SHANK2: variants seen among roughly 807,000 people sequenced by gnomAD.
SHANK2 encodes SH3 and multiple ankyrin repeat domains 2.
SHANK2 carries 43 observed loss-of-function variants against 133.7 expected under a neutral mutation model. That is an observed-to-expected ratio of 0.32 (90% CI 0.25 to 0.41). The LOEUF is 0.41. Ranked by LOEUF, SHANK2 falls within the 10% of genes least tolerant of loss-of-function variation. The probability of loss-of-function intolerance (pLI) is 1.00; values close to 1 mark genes in which losing one functional copy is unlikely to be tolerated. For missense variants in SHANK2, 1,994 were observed against 2,235.8 expected (o/e 0.89, Z 2.18); for synonymous variants, 1,017 against 952.8 (o/e 1.07, Z -1.24).
At chr11:70,573,718 G>A (rs1218997951) in intron 17 of SHANK2, among the ~76,000 whole-genome samples, 3 of 152,270 alleles carry the variant, frequency 2.0e-5, no homozygotes, top group Non-Finnish European at 4.4e-5. Context: ...CCCTGAGGGT[G>A]AGGAGGGGAA....
At chr11:70,814,638 C>A (rs1052685468) in intron 12 of SHANK2, among the ~76,000 whole-genome samples, 5 of 152,250 alleles carry the variant, frequency 3.3e-5, no homozygotes, top group Non-Finnish European at 7.3e-5. Context: ...CTTCCCAGAG[C>A]CCCACTGGGT....
At chr11:70,894,995 G>A (rs1357647170) in intron 11 of SHANK2, among the ~76,000 whole-genome samples, 4 of 152,256 alleles carry the variant, frequency 2.6e-5, no homozygotes, top group Non-Finnish European at 5.9e-5. Context: ...TCATTTTGCA[G>A]ACATTAACTC....
intron 5 of SHANK2, among the ~76,000 whole-genome samples, chr11:71,110,371 G>T (rs1179118799): frequency 3.3e-5 from 5 of 152,178 alleles, no homozygotes; most frequent in African/African-American, 4.8e-5. Flanking sequence ...CTGGGAGGCG[G>T]AGCTTGCAGT....
rs2059088906 is a variant in SHANK2 at position 70,503,376 on chromosome 11, G to A, written c.2062-445C>T. ...TTGCATCCTCACAGGAGGAGGAAAC[G>A]TGGCGCTTAATTGCTTCTCATGTAT... is the stretch of plus-strand genomic sequence containing the variant. On this transcript the variant is annotated intron_variant, in intron 17 of 25. Transcript: ENST00000601538. Among the ~76,000 whole-genome samples, 2 of 152,170 alleles carry A rather than the reference G, an allele frequency of 1.3e-5. 1 individual carries two copies. Among genetic ancestry groups the A allele is most frequent in the Non-Finnish European group, 2.9e-5 (2 of 68,044 alleles).
At chr11:70,806,148 G>A (rs564574890) in intron 13 of SHANK2, among the ~76,000 whole-genome samples, 2 of 152,334 alleles carry the variant, frequency 1.3e-5, no homozygotes, top group Admixed American at 6.5e-5. Context: ...TCTAAGGGCC[G>A]CACCTTCCAC....
At chr11:71,105,747 C>T (rs1193876796) in intron 6 of SHANK2, among the ~76,000 whole-genome samples, 2 of 152,052 alleles carry the variant, frequency 1.3e-5, no homozygotes, top group Admixed American at 1.3e-4. Context: ...CGTACAACAC[C>T]AAGAGTGAAC....
At chr11:70,658,400 T>C (rs543643449) in intron 17 of SHANK2, among the ~76,000 whole-genome samples, 13 of 152,016 alleles carry the variant, frequency 8.6e-5, no homozygotes, top group Non-Finnish European at 1.9e-4. Flanking sequence ...AGGTTACAAA[T>C]CGAGTTAGCC....
chr11:70,672,228 T>C (rs943744170), intron 15 of SHANK2, among the ~76,000 whole-genome samples: 1 of 152,046 alleles, frequency 6.6e-6, no homozygotes, highest in Admixed American at 6.6e-5. Context: ...CATGCCTGGC[T>C]AATTTTTATA....
At chr11:70,829,627 G>A (rs1230146191) in intron 11 of SHANK2, among the ~76,000 whole-genome samples, 2 of 6,240 alleles carry the variant, frequency 3.2e-4, no homozygotes, top group Non-Finnish European at 0.028. Flanking sequence ...GGCGGGGCAG[G>A]ATGAGGCTTT....
At chr11:70,711,859 G>T (rs1350662134) in intron 14 of SHANK2, among the ~76,000 whole-genome samples, 1 of 152,242 alleles carries the variant, frequency 6.6e-6, no homozygotes, top group Non-Finnish European at 1.5e-5. Flanking sequence ...TTGCAGGGGA[G>T]GGGAAGAGAA....
At chr11:70,682,617 T>C (rs528830161) in intron 15 of SHANK2, among the ~76,000 whole-genome samples, 3 of 152,320 alleles carry the variant, frequency 2.0e-5, no homozygotes, top group African/African-American at 7.2e-5. Context: ...GTGGGCACTG[T>C]TGTTTTCTAA....
intron 6 of SHANK2, among the ~76,000 whole-genome samples, chr11:71,099,003 G>A (rs1479419815): frequency 6.6e-6 from 1 of 152,106 alleles, no homozygotes; most frequent in Non-Finnish European, 1.5e-5. Context: ...CAACAGGACG[G>A]GCCCTCGGCA....
intron 17 of SHANK2, among the ~76,000 whole-genome samples, chr11:70,609,700 T>C (rs1022810056): frequency 7.2e-5 from 8 of 111,018 alleles, no homozygotes; most frequent in East Asian, 2.5e-4. Flanking sequence ...CTGTATATTG[T>C]ATATTCATAT....
At position 70,881,313 on chromosome 11, in the gene SHANK2, C is replaced by T. The variant is rs536524571; in HGVS notation, c.1174+15188G>A. 4.6e-5 allele frequency among the ~76,000 whole-genome samples: 7 copies of T among 152,164 alleles called. No individual in the cohort carries two copies. In the East Asian group the frequency reaches 1.2e-3, roughly 25 times the overall value. On this transcript the variant is annotated intron_variant, in intron 11 of 25. Coordinates refer to ENST00000601538, the MANE Select transcript of SHANK2 (RefSeq NM_012309.5). ...CCTCCAGTTTCGGCCTCCCAAAGTA[C>T]AGGGATTACAGGTGCGAGCCACCTT...
chr11:70,640,141 C>G (rs1481448080), intron 17 of SHANK2, among the ~76,000 whole-genome samples: 1 of 152,202 alleles, frequency 6.6e-6, no homozygotes, highest in Non-Finnish European at 1.5e-5. Context: ...GTGCCCAGGT[C>G]CTAATCTCCG....
At chr11:70,860,916 G>C (rs782456539) in intron 11 of SHANK2, among the ~76,000 whole-genome samples, 1 of 152,130 alleles carries the variant, frequency 6.6e-6, no homozygotes, top group African/African-American at 2.4e-5. Flanking sequence ...ATACCACAAA[G>C]CCCCTTCATT....
intron 17 of SHANK2, among the ~76,000 whole-genome samples, chr11:70,527,826 C>G (rs1344690414): frequency 1.3e-5 from 2 of 152,232 alleles, no homozygotes; most frequent in Non-Finnish European, 2.9e-5. Context: ...GGGACAATGG[C>G]AGACCAGGGC....
intron 17 of SHANK2, among the ~76,000 whole-genome samples, chr11:70,655,520 G>T (rs1327068822): frequency 6.6e-6 from 1 of 152,204 alleles, no homozygotes; most frequent in African/African-American, 2.4e-5. Context: ...GGGCTTGTAG[G>T]GTTTGGAGAT....
rs141433267 is a variant in SHANK2, at chr11:70,584,421, C to T, written c.2061+75407G>A. On this transcript the variant is annotated intron_variant, in intron 17 of 25. Transcript: ENST00000601538. ...ATTCCTAGAGAAAGTAAACAGCTCACCTGAGAGCTGGATTTTCAAATGCTA... is the reference window on the plus strand; with the variant it reads ...ATTCCTAGAGAAAGTAAACAGCTCATCTGAGAGCTGGATTTTCAAATGCTA... Among the ~76,000 whole-genome samples the T allele has an allele frequency of 1.4e-4, 22 of 152,246 alleles. No homozygotes were observed. The East Asian group carries it at 4.2e-3, about 29-fold the overall frequency.
Sources: gnomAD v4.1 joint callset for allele counts (sites outside exome capture counted in the v4.1 genomes callset) on GRCh38, gnomAD v4.1.1 for gene constraint, MANE v1.5 for transcripts, NCBI Gene and HGNC (gene_info 2026-07-23, HGNC 2026-07-21) for gene names.